The following PPM1E variants were observed in gnomAD, a reference collection of about 807,000 sequenced individuals.
PPM1E encodes the protein protein phosphatase 1E.
In PPM1E, 20 loss-of-function variants were observed where a neutral mutation model predicts 65.9. The ratio of observed to expected loss-of-function variants is 0.30; its 90% CI spans 0.21 to 0.44. The LOEUF (loss-of-function observed/expected upper bound fraction) is 0.44, where lower values mean the gene tolerates loss of function less well. Among genes scored for constraint, PPM1E ranks in the 20% least tolerant of loss-of-function variants. The pLI is 1.00. For synonymous variants in PPM1E, 352 were observed against 374.9 expected, an observed-to-expected ratio of 0.94 and a Z score of 0.70; for missense variants, 713 against 953.1, an observed-to-expected ratio of 0.75 and a Z score of 3.32.
At position 58,943,020 on chromosome 17, in the gene PPM1E, C is replaced by T. The variant is rs189083355; in HGVS notation, c.465-12629C>T. On this transcript the variant is annotated intron_variant, in intron 1 of 6. Coordinates refer to ENST00000308249, the MANE Select transcript of PPM1E (RefSeq NM_014906.5). ...CCTGGAAAACAGAGTAACACTCTGT[C>T]TCTAAAAACAAGTAAAAATTTTTTT... 7.6e-4 allele frequency among the ~76,000 whole-genome samples: 115 copies of T among 151,686 alleles called. 2 individuals carry two copies. In the East Asian group the frequency reaches 0.022, roughly 29 times the overall value.
chr17:58,951,944 T>C (rs1044610559), intron 1 of PPM1E, among the ~76,000 whole-genome samples: 3 of 152,212 alleles, frequency 2.0e-5, no homozygotes, highest in African/African-American at 7.2e-5. Context: ...TGTGTCCCTA[T>C]GTTGATTTCT....
intron 1 of PPM1E, among the ~76,000 whole-genome samples, chr17:58,868,376 A>G (rs1296457560): frequency 6.6e-6 from 1 of 152,150 alleles, no homozygotes; most frequent in Non-Finnish European, 1.5e-5. Context: ...TTTCAAAAAA[A>G]AATTTTTTTT....
chr17:58,872,390 GA>G (rs1235721579), intron 1 of PPM1E, among the ~76,000 whole-genome samples: 1 of 152,172 alleles, frequency 6.6e-6, no homozygotes, highest in Non-Finnish European at 1.5e-5. Context: ...TGCCTTACTA[GA>G]TATTTCCATT....
intron 1 of PPM1E, among the ~76,000 whole-genome samples, chr17:58,953,683 G>C (rs9913920): frequency 4.2e-4 from 64 of 151,518 alleles, no homozygotes; most frequent in African/African-American, 1.6e-3. Flanking sequence ...CATCTCAAAT[G>C]CCAGACTAGA....
intron 1 of PPM1E, among the ~76,000 whole-genome samples, chr17:58,865,318 C>T (rs983159313): frequency 4.6e-5 from 7 of 151,786 alleles, no homozygotes; most frequent in African/African-American, 1.2e-4. Flanking sequence ...ACCAGGGAGG[C>T]GGAGGTTGCA....
At chr17:58,818,464 A>G (rs1486053604) in intron 1 of PPM1E, among the ~76,000 whole-genome samples, 1 of 152,226 alleles carries the variant, frequency 6.6e-6, no homozygotes, top group Non-Finnish European at 1.5e-5. Flanking sequence ...TACAGTAAAG[A>G]TGAGCCCAAA....
At chr17:58,774,210 CTG>C (rs2049970950) in intron 1 of PPM1E, among the ~76,000 whole-genome samples, 1 of 149,404 alleles carries the variant, frequency 6.7e-6, no homozygotes, top group South Asian at 2.2e-4. Context: ...ATACTAAAGT[CTG>C]AGAACCACTG....
intron 1 of PPM1E, among the ~76,000 whole-genome samples, chr17:58,836,998 C>T (rs1372441047): frequency 1.6e-5 from 2 of 128,420 alleles, no homozygotes; most frequent in Non-Finnish European, 3.2e-5. Flanking sequence ...CCAGCCTGGG[C>T]GACAGAGCGA....
At chr17:58,811,918 C>G (rs1423063276) in intron 1 of PPM1E, among the ~76,000 whole-genome samples, 1 of 152,082 alleles carries the variant, frequency 6.6e-6, no homozygotes, top group Non-Finnish European at 1.5e-5. Context: ...ATCCATCCAC[C>G]TTGGCCTCCC....
chr17:58,963,020 T>A (rs980190893), intron 2 of PPM1E, among the ~76,000 whole-genome samples: 3 of 151,816 alleles, frequency 2.0e-5, no homozygotes, highest in Non-Finnish European at 4.4e-5. Flanking sequence ...CCCCAGGAAT[T>A]TGAGGCTGCA....
chr17:58,981,164 T>C lies in PPM1E; in HGVS notation c.*133T>C. 1 of 663,862 alleles carries C rather than the reference T, an allele frequency of 1.5e-6. No homozygotes were observed. Among genetic ancestry groups the C allele is most frequent in the Non-Finnish European group, 2.5e-6 (1 of 402,442 alleles). The allele number at this position is 663,862 out of a possible 1,614,324, so 41.1% of individuals were successfully genotyped here. ...GGATGGCTCAATTCTTAAATGTAAA[T>C]AGATCTCTAGGAAACTCAAAGTACA... On this transcript the variant is annotated 3_prime_UTR_variant, in exon 7 of 7. Coordinates refer to ENST00000308249, the MANE Select transcript of PPM1E (RefSeq NM_014906.5).
At chr17:58,828,993 A>G (rs1181924014) in intron 1 of PPM1E, among the ~76,000 whole-genome samples, 1 of 152,128 alleles carries the variant, frequency 6.6e-6, no homozygotes, top group African/African-American at 2.4e-5. Flanking sequence ...TGAATTATGT[A>G]TATATTGTTT....
intron 1 of PPM1E, among the ~76,000 whole-genome samples, chr17:58,773,604 G>A (rs1045268609): frequency 1.3e-5 from 2 of 151,930 alleles, no homozygotes; most frequent in Non-Finnish European, 2.9e-5. Context: ...TTATTAAATT[G>A]TACCTTCCTT....
At chr17:58,823,398 G>T (rs911187110) in intron 1 of PPM1E, among the ~76,000 whole-genome samples, 1 of 152,108 alleles carries the variant, frequency 6.6e-6, no homozygotes, top group South Asian at 2.1e-4. Flanking sequence ...TTGTGATAAC[G>T]CTGTTCTCTG....
chr17:58,818,488 CT>C (rs2050448668), intron 1 of PPM1E, among the ~76,000 whole-genome samples: 1 of 152,102 alleles, frequency 6.6e-6, no homozygotes, highest in African/African-American at 2.4e-5. Flanking sequence ...CTTAATATTA[CT>C]GTTGTAAGGG....
At chr17:58,894,054 C>T (rs935042988) in intron 1 of PPM1E, among the ~76,000 whole-genome samples, 6 of 152,022 alleles carry the variant, frequency 3.9e-5, no homozygotes, top group African/African-American at 1.5e-4. Context: ...ACTTGGGCAA[C>T]AGATCAAGAC....
At position 58,930,115 on chromosome 17, in the gene PPM1E, G is replaced by T. The variant is rs183333937; in HGVS notation, c.465-25534G>T. On this transcript the variant is annotated intron_variant, in intron 1 of 6. Coordinates refer to ENST00000308249, the MANE Select transcript of PPM1E (RefSeq NM_014906.5). ...CAATTTATAAGAATCAAGTATCTGG[G>T]CTGGGCGCGGTGGCTCATGTCTGTA... is the stretch of plus-strand genomic sequence containing the variant. Among the ~76,000 whole-genome samples, 110 of 152,120 alleles carry T rather than the reference G, an allele frequency of 7.2e-4. 1 individual carries two copies. Among genetic ancestry groups the T allele is most frequent in the African/African-American group, 2.3e-3 (94 of 41,488 alleles).
chr17:58,793,599 G>T (rs150760349), intron 1 of PPM1E, among the ~76,000 whole-genome samples: 1,703 of 151,860 alleles, frequency 0.011, 21 homozygotes, highest in Non-Finnish European at 0.016. Flanking sequence ...CTGGTGATCC[G>T]CCTGCCTAGG....
chr17:58,791,530 A>C (rs939236385), intron 1 of PPM1E, among the ~76,000 whole-genome samples: 2 of 152,184 alleles, frequency 1.3e-5, no homozygotes, highest in African/African-American at 4.8e-5. Context: ...AGAAGTCCGT[A>C]ACTCCAAAAA....
Sources: allele counts gnomAD v4.1 joint callset (sites outside exome capture counted in the v4.1 genomes callset), GRCh38; gene constraint gnomAD v4.1.1; transcripts MANE v1.5; gene names NCBI Gene and HGNC (gene_info 2026-07-23, HGNC 2026-07-21).